The following NEK11 variants were observed in gnomAD, a reference collection of about 807,000 sequenced individuals.
The protein encoded by NEK11 is serine/threonine-protein kinase Nek11.
Under a neutral mutation model 80.7 loss-of-function variants are expected in NEK11, and 72 were observed. The observed-to-expected ratio is 0.89, with a 90% CI of 0.74 to 1.08. The LOEUF (loss-of-function observed/expected upper bound fraction) is 1.08. Ranked by LOEUF, NEK11 falls within the 50% of genes least tolerant of loss-of-function variation. NEK11 has a pLI of 0.00. For missense variants in NEK11, 764 were observed against 763.6 expected (o/e 1.00, Z -0.01); for synonymous variants, 251 against 260.7 (o/e 0.96, Z 0.36).
chr3:131,070,547 T>G (rs1477297475), intron 3 of NEK11, among the ~76,000 whole-genome samples: 1 of 152,162 alleles, frequency 6.6e-6, no homozygotes. Flanking sequence ...AACTCTCAAA[T>G]GATAATGAAG....
At chr3:131,237,180 A>G (rs1200617493) in intron 15 of NEK11, among the ~76,000 whole-genome samples, 1 of 152,038 alleles carries the variant, frequency 6.6e-6, no homozygotes, top group Non-Finnish European at 1.5e-5. Flanking sequence ...TCTCTACAAA[A>G]AAATTTTAAA....
chr3:131,307,709 G>A (rs934317272), intron 17 of NEK11, among the ~76,000 whole-genome samples: 6 of 152,294 alleles, frequency 3.9e-5, no homozygotes, highest in African/African-American at 7.2e-5. Context: ...GAATGCAAAT[G>A]TGCTGCCAGT....
intron 4 of NEK11, among the ~76,000 whole-genome samples, chr3:131,102,150 T>C (rs2078459450): frequency 6.6e-6 from 1 of 152,184 alleles, no homozygotes; most frequent in African/African-American, 2.4e-5. Context: ...GCCACTCTTT[T>C]GCTTTTATAT....
intron 14 of NEK11, among the ~76,000 whole-genome samples, chr3:131,216,298 A>C (rs961817871): frequency 4.6e-5 from 7 of 152,214 alleles, no homozygotes; most frequent in Non-Finnish European, 7.3e-5. Flanking sequence ...GAGATCTACC[A>C]TATTCATTGG....
intron 17 of NEK11, among the ~76,000 whole-genome samples, chr3:131,328,157 G>A (rs1487747349): frequency 6.6e-6 from 1 of 151,968 alleles, no homozygotes; most frequent in African/African-American, 2.4e-5. Context: ...GGTTGTGGTG[G>A]TGTATTCCTG....
chr3:131,135,877 T>A (rs554314311), intron 7 of NEK11, among the ~76,000 whole-genome samples: 2 of 152,208 alleles, frequency 1.3e-5, no homozygotes, highest in South Asian at 4.2e-4. Context: ...CCAGATCAGA[T>A]GAATATCTCC....
chr3:131,179,042 T>C (rs1374690597), intron 14 of NEK11, among the ~76,000 whole-genome samples: 1 of 152,222 alleles, frequency 6.6e-6, no homozygotes, highest in Non-Finnish European at 1.5e-5. Context: ...AATTCACTCA[T>C]GAGGACTCCC....
chr3:131,084,255 A>T (rs757575454), intron 4 of NEK11, among the ~76,000 whole-genome samples: 4 of 152,116 alleles, frequency 2.6e-5, no homozygotes, highest in Admixed American at 6.5e-5. Context: ...TCTTTTTCTG[A>T]TTCATTTTTC....
At chr3:131,061,724 C>T (rs1019591934) in intron 3 of NEK11, among the ~76,000 whole-genome samples, 4 of 152,104 alleles carry the variant, frequency 2.6e-5, no homozygotes, top group African/African-American at 4.8e-5. Context: ...GCATATTGAC[C>T]GGAGCCCAAA....
At chr3:131,031,651 A>G (rs1487966010) in intron 3 of NEK11, among the ~76,000 whole-genome samples, 1 of 152,098 alleles carries the variant, frequency 6.6e-6, no homozygotes, top group Non-Finnish European at 1.5e-5. Context: ...GAGAGAGAGA[A>G]AGAGAATGAG....
intron 17 of NEK11, among the ~76,000 whole-genome samples, chr3:131,293,369 C>T (rs766351196): frequency 1.3e-5 from 2 of 151,994 alleles, no homozygotes; most frequent in African/African-American, 2.4e-5. Flanking sequence ...TATTTTTAGT[C>T]TATTGATGTA....
At position 131,165,631 on chromosome 3, in the gene NEK11, C is replaced by T. The variant is rs900385580; in HGVS notation, c.1176+112C>T. The stretch of plus-strand genomic sequence containing the variant: ...GAGAAAACAAGAACATCCAGATTAA[C>T]TTCACCCAATTCCAGGAAGGATTCT... On this transcript the variant is annotated intron_variant, in intron 12 of 17. Transcript: ENST00000383366. 3 of 662,660 alleles carry T rather than the reference C, an allele frequency of 4.5e-6. No individual in the cohort carries two copies. In the African/African-American group the frequency reaches 5.5e-5, roughly 12 times the overall value. The allele number at this position is 662,660 out of a possible 1,614,324, so 41.0% of individuals were successfully genotyped here.
At chr3:131,175,042 G>A in intron 14 of NEK11, 1 of 1,265,928 alleles carries the variant, frequency 7.9e-7, no homozygotes, top group Non-Finnish European at 9.9e-7. Flanking sequence ...AGCCCCACAT[G>A]CCCTTTACAG....
At chr3:131,279,585 G>A (rs561205842) in intron 17 of NEK11, among the ~76,000 whole-genome samples, 2 of 152,154 alleles carry the variant, frequency 1.3e-5, no homozygotes, top group East Asian at 3.9e-4. Flanking sequence ...AATTCCCTGT[G>A]CTCCCCCTTT....
intron 4 of NEK11, among the ~76,000 whole-genome samples, chr3:131,084,080 C>T (rs1240939588): frequency 6.6e-6 from 1 of 152,126 alleles, no homozygotes; most frequent in Admixed American, 6.5e-5. Flanking sequence ...TTCCAATAAA[C>T]AAGGTTCCTT....
At chr3:131,101,156 T>G (rs1483875044) in intron 4 of NEK11, among the ~76,000 whole-genome samples, 1 of 152,164 alleles carries the variant, frequency 6.6e-6, no homozygotes, top group African/African-American at 2.4e-5. Flanking sequence ...GGTCTACCAA[T>G]CTTGTTTATT....
chr3:131,029,529 T>A (rs1467806125), intron 2 of NEK11, 84 bp from the exon 3 acceptor site: 1 of 515,158 alleles, frequency 1.9e-6, no homozygotes, highest in African/African-American at 1.9e-5. Flanking sequence ...CTGATCAAGG[T>A]GCAGATATCA....
intron 14 of NEK11, among the ~76,000 whole-genome samples, chr3:131,208,178 A>G (rs567648430): frequency 2.1e-3 from 313 of 152,312 alleles, no homozygotes; most frequent in Non-Finnish European, 3.4e-3. Flanking sequence ...TCAGCTTTCT[A>G]CATATGGCTA....
chr3:131,170,972 C>A, intron 14 of NEK11, 85 bp downstream of exon 14: 2 of 910,488 alleles, frequency 2.2e-6, no homozygotes, highest in Non-Finnish European at 3.7e-6. Flanking sequence ...GTCTGTCTGG[C>A]CTCTGGGAGA....
Sources: gnomAD v4.1 joint callset for allele counts (sites outside exome capture counted in the v4.1 genomes callset) on GRCh38, gnomAD v4.1.1 for gene constraint, MANE v1.5 for transcripts, NCBI Gene and HGNC (gene_info 2026-07-23, HGNC 2026-07-21) for gene names.